The following LDB2 variants were observed in gnomAD, a reference collection of about 807,000 sequenced individuals.
The protein encoded by LDB2 is LIM domain-binding protein 2.
LDB2 carries 12 observed loss-of-function variants against 44.3 expected under a neutral mutation model. The ratio of observed to expected loss-of-function variants is 0.27; its 90% CI spans 0.17 to 0.44. The LOEUF (loss-of-function observed/expected upper bound fraction) is 0.44, where lower values mean the gene tolerates loss of function less well. Among genes scored for constraint, LDB2 ranks in the 20% least tolerant of loss-of-function variants. The pLI is 1.00. For synonymous variants in LDB2, 164 were observed against 174.8 expected (o/e 0.94, Z 0.49); for missense variants, 344 against 473.5 (o/e 0.73, Z 2.54).
At chr4:16,702,815 T>C (rs1051813105) in intron 2 of LDB2, among the ~76,000 whole-genome samples, 1 of 152,178 alleles carries the variant, frequency 6.6e-6, no homozygotes, top group Non-Finnish European at 1.5e-5. Flanking sequence ...GGGCCACTCA[T>C]GACCTTCCCA....
intron 5 of LDB2, among the ~76,000 whole-genome samples, chr4:16,549,726 T>A (rs1236892108): frequency 6.6e-6 from 1 of 152,214 alleles, no homozygotes; most frequent in African/African-American, 2.4e-5. Context: ...TGGAAAGGAT[T>A]AGAGAAGTTA....
chr4:16,761,817 A>G (rs1400337271), intron 1 of LDB2, among the ~76,000 whole-genome samples: 3 of 152,112 alleles, frequency 2.0e-5, no homozygotes, highest in African/African-American at 7.2e-5. Flanking sequence ...CTAGGGCAGG[A>G]GGCATTCCAC....
At chr4:16,523,381 C>T (rs1287243177) in intron 5 of LDB2, among the ~76,000 whole-genome samples, 1 of 152,176 alleles carries the variant, frequency 6.6e-6, no homozygotes, top group African/African-American at 2.4e-5. Flanking sequence ...TTAGTCACTT[C>T]AGGACTCTTT....
chr4:16,520,793 C>T (rs1469631915), intron 5 of LDB2, among the ~76,000 whole-genome samples: 1 of 152,156 alleles, frequency 6.6e-6, no homozygotes, highest in Non-Finnish European at 1.5e-5. Context: ...GGACTGTTTT[C>T]CTACCCTGGG....
chr4:16,635,660 G>T (rs950344517), intron 2 of LDB2, among the ~76,000 whole-genome samples: 14 of 139,300 alleles, frequency 1.0e-4, no homozygotes, highest in Non-Finnish European at 2.1e-4. Flanking sequence ...TTCTCATGCT[G>T]GGGGAGAAGG....
At chr4:16,731,761 C>A (rs893140559) in intron 2 of LDB2, among the ~76,000 whole-genome samples, 1 of 152,180 alleles carries the variant, frequency 6.6e-6, no homozygotes, top group African/African-American at 2.4e-5. Context: ...ACCTCCTCAG[C>A]CTGCTTTAGT....
At chr4:16,795,978 A>T (rs1776653011) in intron 1 of LDB2, among the ~76,000 whole-genome samples, 1 of 152,144 alleles carries the variant, frequency 6.6e-6, no homozygotes, top group South Asian at 2.1e-4. Flanking sequence ...AGTCAAAGAA[A>T]TTTGGGAAAC....
At chr4:16,512,131 T>C (rs1721973699) in intron 5 of LDB2, 27 bp from the exon 6 acceptor site, 1 of 1,571,160 alleles carries the variant, frequency 6.4e-7, no homozygotes. Context: ...GACATTGGCA[T>C]TTCACTACTT....
At chr4:16,802,149 C>T (rs1777952497) in intron 1 of LDB2, among the ~76,000 whole-genome samples, 1 of 152,178 alleles carries the variant, frequency 6.6e-6, no homozygotes, top group Non-Finnish European at 1.5e-5. Context: ...CCAACTGCCC[C>T]ATCTCCACAG....
chr4:16,601,431 G>A (rs536646660), intron 2 of LDB2, among the ~76,000 whole-genome samples: 134 of 152,244 alleles, frequency 8.8e-4, no homozygotes, highest in African/African-American at 3.0e-3. Context: ...AGAAGGGGTT[G>A]AGAGTCTGAT....
intron 2 of LDB2, among the ~76,000 whole-genome samples, chr4:16,730,176 G>A (rs1472981355): frequency 2.0e-5 from 3 of 152,052 alleles, no homozygotes; most frequent in Non-Finnish European, 2.9e-5. Context: ...AGCTTTTCTC[G>A]TGATTTCTGG....
Position 16,794,103 on chromosome 4 carries a change from A to G in LDB2, c.133-34843T>C, listed in dbSNP as rs554821342. On this transcript the variant is annotated intron_variant, in intron 1 of 7. Transcript: ENST00000304523. ...AAAGGGGACAGCACTGCTCTCTCTT[A>G]TCAAAACAGGGCCTTCTTGGAGCTT... Among the ~76,000 whole-genome samples, 127 of 152,234 alleles carry G rather than the reference A, an allele frequency of 8.3e-4. 1 individual carries two copies. The highest frequency in any genetic ancestry group is 3.0e-3 in the African/African-American group (124 of 41,538).
intron 2 of LDB2, among the ~76,000 whole-genome samples, chr4:16,650,867 T>A (rs1356691134): frequency 6.6e-6 from 1 of 152,228 alleles, no homozygotes; most frequent in Non-Finnish European, 1.5e-5. Flanking sequence ...AAGACAGGTA[T>A]CACTTCTCTC....
chr4:16,735,066 A>G (rs116045574), intron 2 of LDB2, among the ~76,000 whole-genome samples: 2,843 of 152,270 alleles, frequency 0.019, 92 homozygotes, highest in African/African-American at 0.065. Context: ...TGGGTACAAA[A>G]GAAAGAAAAC....
At chr4:16,855,452 C>G (rs189958885) in intron 1 of LDB2, among the ~76,000 whole-genome samples, 1 of 152,074 alleles carries the variant, frequency 6.6e-6, no homozygotes, top group Non-Finnish European at 1.5e-5. Context: ...CTAGGAAAAA[C>G]ACTTGTATGA....
chr4:16,595,657 T>A (rs1506462), intron 3 of LDB2, 46 bp downstream of exon 3: 1,574,804 of 1,575,232 alleles, frequency 1, 787,190 homozygotes, highest in East Asian at 1. Flanking sequence ...TCTTTAATGC[T>A]CTCAGAGTAG....
intron 2 of LDB2, among the ~76,000 whole-genome samples, chr4:16,745,686 G>A (rs1764252682): frequency 1.3e-5 from 2 of 152,112 alleles, no homozygotes; most frequent in African/African-American, 4.8e-5. Flanking sequence ...CAGCAATGTC[G>A]AAGGGATTTC....
At chr4:16,640,767 G>T (rs767506246) in intron 2 of LDB2, among the ~76,000 whole-genome samples, 1 of 152,142 alleles carries the variant, frequency 6.6e-6, no homozygotes, top group Admixed American at 6.5e-5. Flanking sequence ...AGATAGTCTT[G>T]CTCTACCTTT....
At chr4:16,851,259 G>A (rs1464767857) in intron 1 of LDB2, among the ~76,000 whole-genome samples, 1 of 151,948 alleles carries the variant, frequency 6.6e-6, no homozygotes, top group African/African-American at 2.4e-5. Flanking sequence ...CTCACAAGCA[G>A]GTACGAGTCA....
Sources: gnomAD v4.1 joint callset for allele counts (sites outside exome capture counted in the v4.1 genomes callset) on GRCh38, gnomAD v4.1.1 for gene constraint, MANE v1.5 for transcripts, NCBI Gene and HGNC (gene_info 2026-07-23, HGNC 2026-07-21) for gene names.